PTPRT: variants seen among roughly 807,000 people sequenced by gnomAD.
PTPRT encodes protein tyrosine phosphatase receptor type T, also known as receptor-type tyrosine-protein phosphatase T.
A neutral mutation model predicts 176.8 loss-of-function variants in PTPRT; 56 were observed. The ratio of observed to expected loss-of-function variants is 0.32; its 90% CI spans 0.26 to 0.40. PTPRT has a LOEUF of 0.40. PTPRT is among the 10% of genes least tolerant of loss of function. The pLI, the probability that PTPRT is intolerant of heterozygous loss-of-function variation, is 1.00. For missense variants in PTPRT, 1,540 were observed against 1,908.2 expected (o/e 0.81, Z 3.60); for synonymous variants, 783 against 739.0 (o/e 1.06, Z -0.96).
intron 6 of PTPRT, among the ~76,000 whole-genome samples, chr20:42,716,454 G>T (rs2076224293): frequency 6.6e-6 from 1 of 152,150 alleles, no homozygotes; most frequent in African/African-American, 2.4e-5. Flanking sequence ...CAACTGGTGT[G>T]AGATGGTATC....
At chr20:43,181,572 A>G (rs4812688) in intron 1 of PTPRT, among the ~76,000 whole-genome samples, 14,757 of 152,208 alleles carry the variant, frequency 0.097, 1,152 homozygotes, top group East Asian at 0.36. Flanking sequence ...AATTCTTTTT[A>G]ATTAGATTAA....
At chr20:42,737,220 A>T (rs2047181689) in intron 6 of PTPRT, among the ~76,000 whole-genome samples, 3 of 152,232 alleles carry the variant, frequency 2.0e-5, no homozygotes. Context: ...AATGAGGAAC[A>T]TTTGGATGCA....
At chr20:42,369,221 C>T (rs1316384260) in intron 9 of PTPRT, among the ~76,000 whole-genome samples, 1 of 152,116 alleles carries the variant, frequency 6.6e-6, no homozygotes, top group Non-Finnish European at 1.5e-5. Flanking sequence ...CCTCAGTCTC[C>T]AGAGTAATTG....
At chr20:42,661,045 T>C (rs1339371025) in intron 7 of PTPRT, among the ~76,000 whole-genome samples, 1 of 152,098 alleles carries the variant, frequency 6.6e-6, no homozygotes, top group Non-Finnish European at 1.5e-5. Flanking sequence ...GAGATCGGGT[T>C]TCACCATATT....
At chr20:42,872,368 T>C (rs1040635018) in intron 2 of PTPRT, among the ~76,000 whole-genome samples, 6 of 152,222 alleles carry the variant, frequency 3.9e-5, no homozygotes, top group African/African-American at 1.4e-4. Flanking sequence ...ATGTGATAGA[T>C]CACTGCAGCT....
At chr20:42,446,580 ATGTGTGTG>A (rs372328206) in intron 9 of PTPRT, among the ~76,000 whole-genome samples, 50 of 139,558 alleles carry the variant, frequency 3.6e-4, no homozygotes, top group East Asian at 1.7e-3. Context: ...TTTCATGTAA[ATGTGTGTG>A]TGTGTGTGTG....
chr20:42,743,382 A>G (rs1397351636), intron 6 of PTPRT, among the ~76,000 whole-genome samples: 1 of 152,184 alleles, frequency 6.6e-6, no homozygotes, highest in South Asian at 2.1e-4. Context: ...TTAGGGGGGA[A>G]AAAAGAAACT....
chr20:42,438,345 A>G (rs1484588678), intron 9 of PTPRT, among the ~76,000 whole-genome samples: 1 of 152,156 alleles, frequency 6.6e-6, no homozygotes, highest in African/African-American at 2.4e-5. Context: ...GTTCATGTTA[A>G]ACAGCTGGGA....
At chr20:42,456,279 A>C (rs2070922904) in intron 8 of PTPRT, among the ~76,000 whole-genome samples, 1 of 152,042 alleles carries the variant, frequency 6.6e-6, no homozygotes, top group Non-Finnish European at 1.5e-5. Flanking sequence ...ATTAATTCTA[A>C]TAATTTGTTT....
intron 16 of PTPRT, 31 bp from the exon 17 acceptor site, chr20:42,161,573 C>T: frequency 6.4e-7 from 1 of 1,566,054 alleles, no homozygotes; most frequent in East Asian, 2.2e-5. Context: ...AACAGATCAT[C>T]ACCTATAGAA....
chr20:42,667,093 A>C (rs1050724229), intron 7 of PTPRT, among the ~76,000 whole-genome samples: 2 of 152,240 alleles, frequency 1.3e-5, no homozygotes, highest in African/African-American at 4.8e-5. Context: ...TGGCCTACTA[A>C]TATGAGGCAT....
intron 3 of PTPRT, among the ~76,000 whole-genome samples, chr20:42,784,173 C>T (rs912602982): frequency 4.6e-5 from 7 of 152,192 alleles, no homozygotes; most frequent in African/African-American, 9.7e-5. Flanking sequence ...AGCAATTCCC[C>T]ACAAGAGGCT....
chr20:42,592,915 G>A (rs575929029), intron 7 of PTPRT, among the ~76,000 whole-genome samples: 1 of 152,180 alleles, frequency 6.6e-6, no homozygotes, highest in Admixed American at 6.5e-5. Flanking sequence ...AAGTCACATG[G>A]GGGAATAACC....
chr20:42,225,347 A>C (rs545551867), intron 15 of PTPRT, among the ~76,000 whole-genome samples: 2 of 152,218 alleles, frequency 1.3e-5, no homozygotes, highest in South Asian at 4.2e-4. Context: ...TTCCCCTGGC[A>C]AGTACACTGT....
chr20:43,134,965 C>T (rs2013776426), intron 1 of PTPRT, among the ~76,000 whole-genome samples: 1 of 152,130 alleles, frequency 6.6e-6, no homozygotes, highest in Non-Finnish European at 1.5e-5. Context: ...AACCTGTTCA[C>T]GCCAGTAGCA....
At chr20:42,500,411 C>T (rs1351375012) in intron 7 of PTPRT, among the ~76,000 whole-genome samples, 9 of 152,016 alleles carry the variant, frequency 5.9e-5, no homozygotes, top group African/African-American at 1.9e-4. Flanking sequence ...GACTTGTATA[C>T]TGATCTAATA....
intron 1 of PTPRT, among the ~76,000 whole-genome samples, chr20:43,039,162 T>C (rs1274426196): frequency 4.6e-5 from 7 of 152,164 alleles, no homozygotes; most frequent in Admixed American, 2.0e-4. Flanking sequence ...GGGGAAATAA[T>C]CCTCTCCAAT....
chr20:42,339,046 A>G (rs185475424), intron 11 of PTPRT, among the ~76,000 whole-genome samples: 42 of 152,326 alleles, frequency 2.8e-4, no homozygotes, highest in Admixed American at 5.2e-4. Flanking sequence ...TTGGCACTCA[A>G]TATATTTTGT....
intron 7 of PTPRT, among the ~76,000 whole-genome samples, chr20:42,640,731 A>G (rs2074726569): frequency 6.6e-6 from 1 of 152,088 alleles, no homozygotes; most frequent in Non-Finnish European, 1.5e-5. Flanking sequence ...ATGTCTAGAG[A>G]TGTTTGAAAT....
Sources: allele counts gnomAD v4.1 joint callset (sites outside exome capture counted in the v4.1 genomes callset), GRCh38; gene constraint gnomAD v4.1.1; transcripts MANE v1.5; gene names NCBI Gene and HGNC (gene_info 2026-07-23, HGNC 2026-07-21).